IHO1: variants seen among roughly 807,000 people sequenced by gnomAD.
IHO1 encodes the protein interactor of HORMAD1 protein 1.
Under a neutral mutation model 31.0 loss-of-function variants are expected in IHO1, and 13 were observed. That is an observed-to-expected ratio of 0.42 (90% CI 0.27 to 0.67). The LOEUF (loss-of-function observed/expected upper bound fraction) is 0.67, where lower values mean the gene tolerates loss of function less well. Among genes scored for constraint, IHO1 ranks in the 30% least tolerant of loss-of-function variants. IHO1 has a pLI of 0.24. For missense variants in IHO1, 599 were observed against 687.5 expected, an observed-to-expected ratio of 0.87 and a Z score of 1.44; for synonymous variants, 221 against 248.4, an observed-to-expected ratio of 0.89 and a Z score of 1.04.
chr3:49,212,767 G>A (rs1290907460), intron 2 of IHO1, among the ~76,000 whole-genome samples: 1 of 152,162 alleles, frequency 6.6e-6, no homozygotes, highest in Non-Finnish European at 1.5e-5. Context: ...CCTTTGCGGT[G>A]AGTGTTAACA....
rs765987559 is a variant in IHO1, at chr3:49,256,318, C to T, written c.821C>T (p.Ser274Leu). ...GTGAAAGACAGTGCTTCTCAGACGT[C>T]GCCACCTTTGGCCCAGAGCCTCAAT... ...PPVKDSASQT[S>L]PPLAQSLNLT... is the part of the protein sequence containing the mutation. Residue 274 changes from serine to leucine, a missense_variant, in exon 8 of 8, where the codon TCG (serine) becomes TTG (leucine). Transcript: ENST00000452691. This position sits in a 1 kb window ranked among gnomAD's most constrained non-coding sequence, Gnocchi z 4.6. The T allele has an allele frequency of 5.0e-5, 80 of 1,613,998 alleles. No individual in the cohort carries two copies. Among genetic ancestry groups the T allele is most frequent in the East Asian group, 3.8e-4 (17 of 44,896 alleles).
chr3:49,219,575 A>G (rs1016489123), intron 2 of IHO1, among the ~76,000 whole-genome samples: 2 of 151,990 alleles, frequency 1.3e-5, no homozygotes, highest in African/African-American at 2.4e-5. Context: ...TCCACACTCT[A>G]TATTTCTGTG....
At chr3:49,193,739 G>A (rs183504097), upstream of IHO1, among the ~76,000 whole-genome samples, 175 of 151,344 alleles carry the variant, frequency 1.2e-3, 1 homozygote, top group African/African-American at 4.1e-3. Flanking sequence ...CAAGGTGGGT[G>A]GATCACGAGG....
chr3:49,225,774 A>T (rs1236477540), intron 2 of IHO1, among the ~76,000 whole-genome samples: 1 of 152,228 alleles, frequency 6.6e-6, no homozygotes, highest in Non-Finnish European at 1.5e-5. Context: ...GGATGGTAAC[A>T]GACCTTGAGG....
intron 2 of IHO1, chr3:49,228,325 C>T (rs1200942415): frequency 4.4e-6 from 2 of 449,832 alleles, no homozygotes; most frequent in East Asian, 1.4e-4. Flanking sequence ...CCAATGCTCT[C>T]CACTCCGAAG....
chr3:49,197,007 G>A (rs1490914537), upstream of IHO1, among the ~76,000 whole-genome samples: 1 of 132,770 alleles, frequency 7.5e-6, no homozygotes, highest in East Asian at 2.2e-4. Flanking sequence ...TTGAGATGGA[G>A]TCTCGCTCTG....
chr3:49,225,869 T>C (rs2046411435), intron 2 of IHO1, among the ~76,000 whole-genome samples: 1 of 152,090 alleles, frequency 6.6e-6, no homozygotes. Flanking sequence ...TCGATGGTTA[T>C]ACATACCCAG....
chr3:49,212,691 A>T (rs1042997207), intron 2 of IHO1, among the ~76,000 whole-genome samples: 4 of 151,912 alleles, frequency 2.6e-5, no homozygotes, highest in African/African-American at 9.7e-5. Flanking sequence ...TGATGTTTGG[A>T]TGTGTTTGGA....
In IHO1 at chr3:49,244,725, C is replaced by T. The variant is rs2046674300; in HGVS notation, c.524C>T (p.Ala175Val). 6.2e-7 allele frequency: 1 copy of T among 1,613,846 alleles called. No individual in the cohort carries two copies. The highest frequency in any genetic ancestry group is 1.3e-5 in the African/African-American group (1 of 75,008). Residue 175 changes from alanine to valine, a missense_variant, in exon 6 of 8, where the codon GCC becomes GTC. By Grantham distance (64) the Ala-to-Val change is moderately conservative. Coordinates refer to ENST00000452691, the MANE Select transcript of IHO1 (RefSeq NM_001135197.2). ...QSILDSLETV[A>V]KTLQETIQAQ... ...ATTTTGGATTCTTTGGAGACTGTGG[C>T]CAAGACATGTGAGTGCCTCATGTTT...
chr3:49,244,546 A>G, intron 5 of IHO1, 94 bp downstream of exon 5: 1 of 1,295,286 alleles, frequency 7.7e-7, no homozygotes. Flanking sequence ...GTAGAATAGC[A>G]ATATTTTAAC....
chr3:49,218,260 GCTCTCT>G (rs1221515122), intron 2 of IHO1, among the ~76,000 whole-genome samples: 1 of 150,964 alleles, frequency 6.6e-6, no homozygotes, highest in East Asian at 1.9e-4. Flanking sequence ...GACAGCTCCG[GCTCTCT>G]CTCTCTCTTT....
chr3:49,191,728 A>G, the IHO1 span: 12 of 1,594,362 alleles, frequency 7.5e-6, no homozygotes, highest in East Asian at 2.5e-4. Flanking sequence ...CAGGATTAAC[A>G]TAAAGTGCAC....
At chr3:49,218,020 G>A (rs566249661) in intron 2 of IHO1, among the ~76,000 whole-genome samples, 1 of 152,286 alleles carries the variant, frequency 6.6e-6, no homozygotes. Flanking sequence ...GATGAATATG[G>A]TTTTATTCTG....
In IHO1 at chr3:49,232,945, A is replaced by G. The variant is rs28864123; in HGVS notation, c.57-3603A>G. On this transcript the variant is annotated intron_variant, in intron 2 of 7. Coordinates refer to ENST00000452691, the MANE Select transcript of IHO1 (RefSeq NM_001135197.2). ...ATGCTTTCTGGTCTCAGTATTTACC[A>G]TAATAAATCTGCTCCTATAATTGAG... is the stretch of plus-strand genomic sequence containing the variant. 1.9e-3 allele frequency among the ~76,000 whole-genome samples: 292 copies of G among 152,330 alleles called. 1 individual carries two copies. Among genetic ancestry groups the G allele is most frequent in the African/African-American group, 6.8e-3 (282 of 41,580 alleles).
chr3:49,240,026 G>C (rs1323145038), intron 3 of IHO1, among the ~76,000 whole-genome samples: 1 of 151,990 alleles, frequency 6.6e-6, no homozygotes, highest in Admixed American at 6.6e-5. Flanking sequence ...AGATTAAGTT[G>C]GTGCTTTTTT....
chr3:49,257,234 TTTGCTCTA>T lies in IHO1; in HGVS notation c.1739_1746del (p.Leu580Ter). 6.2e-7 allele frequency: 1 copy of T among 1,614,090 alleles called. No homozygotes were observed. Among genetic ancestry groups the T allele is most frequent in the Non-Finnish European group, 8.5e-7 (1 of 1,179,986 alleles). Reference sequence around the variant, plus strand: ...CTCTATGCAAGGAGGCAGGAAAGAATTTGCTCTATGACCTGGGTTTTGATAGCAGTGAT... The same window carrying T: ...CTCTATGCAAGGAGGCAGGAAAGAATTGACCTGGGTTTTGATAGCAGTGAT... On this transcript the variant is annotated frameshift_variant, in exon 8 of 8. Coordinates refer to ENST00000452691, the MANE Select transcript of IHO1 (RefSeq NM_001135197.2). LOFTEE classifies it high-confidence loss of function.
intron 6 of IHO1, among the ~76,000 whole-genome samples, chr3:49,246,075 G>A (rs965346015): frequency 2.0e-5 from 3 of 151,690 alleles, no homozygotes; most frequent in Non-Finnish European, 4.4e-5. Context: ...CCAGCTACTC[G>A]GGAGGCTGAG....
chr3:49,255,363 G>T, intron 6 of IHO1, 27 bp from the exon 7 acceptor site: 1 of 1,495,750 alleles, frequency 6.7e-7, no homozygotes, highest in South Asian at 1.2e-5. Context: ...GTCTTCAGGA[G>T]GTGAACTGTC....
At chr3:49,241,462 T>A in intron 4 of IHO1, 73 bp downstream of exon 4, 1 of 1,416,240 alleles carries the variant, frequency 7.1e-7, no homozygotes, top group Non-Finnish European at 9.6e-7. Flanking sequence ...TGTCAGTAAT[T>A]AAATAATTCA....
Sources: allele counts gnomAD v4.1 joint callset (sites outside exome capture counted in the v4.1 genomes callset), GRCh38; gene constraint gnomAD v4.1.1; non-coding constraint Gnocchi (gnomAD v3.1); transcripts MANE v1.5; gene names NCBI Gene and HGNC (gene_info 2026-07-23, HGNC 2026-07-21).